The following SORCS3 variants were observed in gnomAD, a reference collection of about 807,000 sequenced individuals.
The protein encoded by SORCS3 is sortilin related VPS10 domain containing receptor 3.
In SORCS3, 57 loss-of-function variants were observed where a neutral mutation model predicts 146.3. The ratio of observed to expected loss-of-function variants is 0.39; its 90% CI spans 0.31 to 0.49. The LOEUF (loss-of-function observed/expected upper bound fraction) is 0.49, where lower values mean the gene tolerates loss of function less well. Among genes scored for constraint, SORCS3 ranks in the 20% least tolerant of loss-of-function variants. The pLI is 0.92. For synonymous variants in SORCS3, 653 were observed against 618.5 expected (o/e 1.06, Z -0.83); for missense variants, 1,341 against 1,575.5 (o/e 0.85, Z 2.52).
chr10:105,218,685 G>T (rs973811850), intron 19 of SORCS3, among the ~76,000 whole-genome samples: 8 of 152,148 alleles, frequency 5.3e-5, no homozygotes, highest in African/African-American at 1.4e-4. Flanking sequence ...GTCTACTATT[G>T]GTCAATGTTC....
At chr10:104,702,363 A>G (rs545550581) in intron 1 of SORCS3, among the ~76,000 whole-genome samples, 2 of 152,292 alleles carry the variant, frequency 1.3e-5, no homozygotes, top group South Asian at 4.1e-4. Context: ...AGCTCACTGC[A>G]ACCTCTGCCT....
intron 3 of SORCS3, among the ~76,000 whole-genome samples, chr10:104,962,148 A>G (rs930092885): frequency 1.3e-5 from 2 of 152,146 alleles, no homozygotes; most frequent in African/African-American, 4.8e-5. Flanking sequence ...AGGAGGCTTC[A>G]TGGAAGGGAT....
intron 12 of SORCS3, among the ~76,000 whole-genome samples, chr10:105,165,789 G>A (rs916349301): frequency 3.3e-5 from 5 of 152,094 alleles, no homozygotes; most frequent in East Asian, 3.9e-4. Flanking sequence ...CTTGACCAAC[G>A]TTGTCACTAC....
At chr10:105,085,581 C>G (rs1394045658) in intron 5 of SORCS3, among the ~76,000 whole-genome samples, 3 of 152,130 alleles carry the variant, frequency 2.0e-5, no homozygotes, top group Non-Finnish European at 4.4e-5. Flanking sequence ...TGGTGAGTTG[C>G]ATATATTTAT....
chr10:104,946,803 A>G (rs1203223417), intron 3 of SORCS3, among the ~76,000 whole-genome samples: 3 of 152,118 alleles, frequency 2.0e-5, no homozygotes, highest in African/African-American at 7.2e-5. Context: ...GAGGCATCAG[A>G]GCATGCTTCT....
intron 7 of SORCS3, among the ~76,000 whole-genome samples, chr10:105,110,582 T>C (rs1464177615): frequency 6.6e-6 from 1 of 152,162 alleles, no homozygotes; most frequent in Non-Finnish European, 1.5e-5. Context: ...TCCTTCTTGG[T>C]TCTCACTGAG....
At chr10:104,927,997 A>G (rs1434679344) in intron 3 of SORCS3, among the ~76,000 whole-genome samples, 1 of 152,208 alleles carries the variant, frequency 6.6e-6, no homozygotes, top group East Asian at 1.9e-4. Flanking sequence ...GGCAAAAATC[A>G]GGCAGAATTT....
intron 1 of SORCS3, among the ~76,000 whole-genome samples, chr10:104,647,636 A>G (rs186516819): frequency 3.3e-5 from 5 of 152,326 alleles, no homozygotes; most frequent in Admixed American, 6.5e-5. Flanking sequence ...ATAGCTCAGT[A>G]ATACTGAACT....
intron 4 of SORCS3, among the ~76,000 whole-genome samples, chr10:104,992,175 A>G (rs982300281): frequency 1.3e-5 from 2 of 152,058 alleles, no homozygotes; most frequent in African/African-American, 4.8e-5. Context: ...TATTTCTGAG[A>G]TGGAAACCAG....
chr10:105,115,370 A>C (rs1190441870), intron 7 of SORCS3, among the ~76,000 whole-genome samples: 2 of 152,212 alleles, frequency 1.3e-5, no homozygotes, highest in South Asian at 4.1e-4. Context: ...ACTAATCCAC[A>C]TGCAAAAATC....
At chr10:104,922,274 A>C (rs893149781) in intron 3 of SORCS3, among the ~76,000 whole-genome samples, 3 of 152,256 alleles carry the variant, frequency 2.0e-5, no homozygotes, top group Non-Finnish European at 4.4e-5. Flanking sequence ...CTTACACTAA[A>C]GTAAGGCCAA....
At position 105,264,570 on chromosome 10, in the gene SORCS3, C is replaced by T. The variant is rs1331431850; in HGVS notation, c.*1196C>T. On this transcript the variant is annotated 3_prime_UTR_variant, in exon 27 of 27. Transcript: ENST00000369701. ...TGTGGAATTATGAGTTCATGCAAAA[C>T]TCTCCAGGCCAAGTAGGGGTCTAGC... 1 of 152,570 alleles carries T rather than the reference C, an allele frequency of 6.6e-6. No individual in the cohort carries two copies. The highest frequency in any genetic ancestry group is 6.5e-5 in the Admixed American group (1 of 15,268). The allele number at this position is 152,570 out of a possible 1,614,324, so 9.5% of individuals were successfully genotyped here. A position where few individuals can be genotyped will look rare whatever the true frequency, so the allele number is the denominator to read the frequency against.
intron 1 of SORCS3, among the ~76,000 whole-genome samples, chr10:104,821,776 A>G (rs1291057847): frequency 1.3e-5 from 2 of 152,200 alleles, no homozygotes; most frequent in Non-Finnish European, 2.9e-5. Flanking sequence ...AGTTGGCACA[A>G]TAAGTACCCT....
At position 104,765,676 on chromosome 10, in the gene SORCS3, G is replaced by A. The variant is rs144140173; in HGVS notation, c.628-77116G>A. Among the ~76,000 whole-genome samples the A allele has an allele frequency of 2.8e-3, 420 of 152,282 alleles. 1 individual carries two copies. Among genetic ancestry groups the A allele is most frequent in the Middle Eastern group, 6.8e-3 (2 of 294 alleles). ...CTTCCTACATGCCGTTGGATGGGGAGAAATAACAATTATTTTTATTTAATA... is the reference window on the plus strand; with the variant it reads ...CTTCCTACATGCCGTTGGATGGGGAAAAATAACAATTATTTTTATTTAATA... On this transcript the variant is annotated intron_variant, in intron 1 of 26. Transcript: ENST00000369701.
intron 2 of SORCS3, among the ~76,000 whole-genome samples, chr10:104,865,321 A>G (rs1057181211): frequency 3.9e-5 from 6 of 152,160 alleles, no homozygotes; most frequent in Admixed American, 3.9e-4. Context: ...GGAGGACTCG[A>G]GATGTTCACT....
At chr10:105,027,019 C>G (rs1416323624) in intron 4 of SORCS3, among the ~76,000 whole-genome samples, 2 of 152,154 alleles carry the variant, frequency 1.3e-5, no homozygotes, top group African/African-American at 4.8e-5. Context: ...AGACCCTGTC[C>G]AGGTAAAACC....
Position 104,870,099 on chromosome 10 carries a change from C to T in SORCS3, c.695+27240C>T, listed in dbSNP as rs549271078. Among the ~76,000 whole-genome samples the T allele has an allele frequency of 1.2e-4, 19 of 152,330 alleles. No homozygotes were observed. The South Asian group carries it at 3.7e-3, about 30-fold the overall frequency. ...CTGTCATTATCATTATTTCTGTTCT[C>T]ACGGAATTGATGCATATTATAAATG... is the stretch of plus-strand genomic sequence containing the variant. On this transcript the variant is annotated intron_variant, in intron 2 of 26. Transcript: ENST00000369701.
At chr10:104,895,373 G>A (rs2018788256) in intron 2 of SORCS3, among the ~76,000 whole-genome samples, 1 of 152,188 alleles carries the variant, frequency 6.6e-6, no homozygotes, top group Non-Finnish European at 1.5e-5. Flanking sequence ...GGTAGTGAGT[G>A]ATAGCCTCTT....
At chr10:105,188,794 C>T (rs1363586411) in intron 14 of SORCS3, among the ~76,000 whole-genome samples, 1 of 152,056 alleles carries the variant, frequency 6.6e-6, no homozygotes, top group Non-Finnish European at 1.5e-5. Context: ...AACTGTTTTC[C>T]AGGTTTGTAA....
Sources: allele counts gnomAD v4.1 joint callset (sites outside exome capture counted in the v4.1 genomes callset), GRCh38; gene constraint gnomAD v4.1.1; transcripts MANE v1.5; gene names NCBI Gene and HGNC (gene_info 2026-07-23, HGNC 2026-07-21).